The following NR6A1 variants were observed in gnomAD, a reference collection of about 807,000 sequenced individuals.
NR6A1 encodes the protein nuclear receptor subfamily 6 group A member 1.
In NR6A1, 7 loss-of-function variants were observed where a neutral mutation model predicts 59.1. That is an observed-to-expected ratio of 0.12 (90% CI 0.07 to 0.22). The LOEUF (loss-of-function observed/expected upper bound fraction) is 0.22, where lower values mean the gene tolerates loss of function less well. NR6A1 is among the 10% of genes least tolerant of loss of function. The pLI is 1.00. For missense variants in NR6A1, 468 were observed against 611.6 expected (o/e 0.77, Z 2.48); for synonymous variants, 243 against 236.1 (o/e 1.03, Z -0.27).
intron 2 of NR6A1, among the ~76,000 whole-genome samples, chr9:124,651,982 G>A (rs114311030): frequency 2.8e-4 from 42 of 152,200 alleles, no homozygotes; most frequent in African/African-American, 9.4e-4. Flanking sequence ...AGAAGAAAAC[G>A]ATGTCCAAGT....
At chr9:124,764,266 A>T (rs933634764) in intron 1 of NR6A1, among the ~76,000 whole-genome samples, 5 of 152,192 alleles carry the variant, frequency 3.3e-5, no homozygotes, top group African/African-American at 1.2e-4. Flanking sequence ...TTTGCGGTAG[A>T]TTTGTTACTA....
chr9:124,763,580 T>G (rs924395294), intron 1 of NR6A1, among the ~76,000 whole-genome samples: 5 of 152,204 alleles, frequency 3.3e-5, no homozygotes, highest in African/African-American at 1.2e-4. Flanking sequence ...TAGTAATGAA[T>G]GGTCAAAGAA....
chr9:124,583,007 A>G (rs760990212), intron 2 of NR6A1, among the ~76,000 whole-genome samples: 15 of 152,220 alleles, frequency 9.9e-5, no homozygotes, highest in Admixed American at 3.9e-4. Context: ...TGCTAATTGT[A>G]CAATGAAGTT....
intron 2 of NR6A1, among the ~76,000 whole-genome samples, chr9:124,710,817 A>C (rs1202773088): frequency 6.6e-6 from 1 of 152,230 alleles, no homozygotes; most frequent in African/African-American, 2.4e-5. Context: ...GAAATCTTAC[A>C]GTTCTCAGAA....
chr9:124,743,113 T>C (rs918756200), intron 1 of NR6A1, among the ~76,000 whole-genome samples: 5 of 152,182 alleles, frequency 3.3e-5, no homozygotes, highest in Non-Finnish European at 7.4e-5. Context: ...CTACACAGCC[T>C]GCCTTACAGC....
intron 2 of NR6A1, among the ~76,000 whole-genome samples, chr9:124,615,910 C>T (rs1835875677): frequency 1.3e-5 from 2 of 152,086 alleles, no homozygotes. Context: ...TCTCCGCTCA[C>T]TGCAACCTCC....
At chr9:124,621,060 A>G (rs555505160) in intron 2 of NR6A1, among the ~76,000 whole-genome samples, 38 of 152,372 alleles carry the variant, frequency 2.5e-4, no homozygotes, top group African/African-American at 9.1e-4. Flanking sequence ...AACTAACTCA[A>G]TAGATACAGT....
Position 124,733,410 on chromosome 9 carries a change from A to C in NR6A1, c.101-61T>G. On this transcript the variant is annotated intron_variant, in intron 1 of 9. Transcript: ENST00000487099. ...TGTGAATTACTTCAAGCTGACTCCA[A>C]ATATGAAGTATCATACAGTTGGGGG... The C allele has an allele frequency of 4.0e-6, 5 of 1,242,372 alleles. No individual in the cohort carries two copies. The South Asian group carries it at 4.8e-5, about 12-fold the overall frequency. The allele number at this position is 1,242,372 out of a possible 1,614,324, so 77.0% of individuals were successfully genotyped here.
intron 7 of NR6A1, among the ~76,000 whole-genome samples, chr9:124,527,199 C>T (rs1564163993): frequency 6.6e-6 from 1 of 152,132 alleles, no homozygotes; most frequent in Non-Finnish European, 1.5e-5. Flanking sequence ...TCCTCCTCTG[C>T]AAAATGATAA....
chr9:124,539,967 T>C (rs1833390920), intron 5 of NR6A1, 66 bp downstream of exon 5: 21 of 1,494,832 alleles, frequency 1.4e-5, no homozygotes, highest in Non-Finnish European at 1.9e-5. Flanking sequence ...AGCCAGAGGT[T>C]TTCTGTAGCT....
chr9:124,559,726 A>G (rs1381110916), intron 2 of NR6A1, among the ~76,000 whole-genome samples: 2 of 152,152 alleles, frequency 1.3e-5, no homozygotes, highest in African/African-American at 4.8e-5. Context: ...GCAGTGAGCC[A>G]AGATTGCGCC....
At chr9:124,709,705 G>A (rs752642291) in intron 2 of NR6A1, among the ~76,000 whole-genome samples, 1 of 151,852 alleles carries the variant, frequency 6.6e-6, no homozygotes, top group Non-Finnish European at 1.5e-5. Context: ...AGGCCAAGGC[G>A]GGCAGATCAC....
At chr9:124,579,604 T>A (rs995152985) in intron 2 of NR6A1, among the ~76,000 whole-genome samples, 5 of 151,490 alleles carry the variant, frequency 3.3e-5, no homozygotes, top group African/African-American at 7.3e-5. Flanking sequence ...AAAAAAAAAA[T>A]GACAATATCA....
rs79922461 is a variant in NR6A1 at position 124,702,222 on chromosome 9, C to T, written c.142+31086G>A. Among the ~76,000 whole-genome samples the T allele has an allele frequency of 4.6e-3, 703 of 152,242 alleles. 6 individuals are homozygous for T. Among genetic ancestry groups the T allele is most frequent in the African/African-American group, 0.016 (657 of 41,534 alleles). ...CAAGGTCACAAAGATATGCTTGATA[C>T]ATTTGGTAGTTTTAGCTCTTACATT... On this transcript the variant is annotated intron_variant, in intron 2 of 9. Coordinates refer to ENST00000487099, the MANE Select transcript of NR6A1 (RefSeq NM_033334.4).
chr9:124,750,299 A>G (rs1840458323), intron 1 of NR6A1, among the ~76,000 whole-genome samples: 1 of 152,168 alleles, frequency 6.6e-6, no homozygotes, highest in Non-Finnish European at 1.5e-5. Flanking sequence ...TTCTGCTTCC[A>G]TGTCACATGC....
chr9:124,603,708 A>G (rs1285175908), intron 2 of NR6A1, among the ~76,000 whole-genome samples: 3 of 152,212 alleles, frequency 2.0e-5, no homozygotes, highest in South Asian at 2.1e-4. Context: ...CAGTGCTTGA[A>G]TATTTGTTGA....
At chr9:124,580,822 A>AT (rs1834742687) in intron 2 of NR6A1, among the ~76,000 whole-genome samples, 1 of 151,900 alleles carries the variant, frequency 6.6e-6, no homozygotes, top group South Asian at 2.1e-4. Context: ...TCCAACTCAA[A>AT]AAATAATAAT....
At chr9:124,552,696 T>C (rs2131381432) in intron 3 of NR6A1, among the ~76,000 whole-genome samples, 1 of 152,310 alleles carries the variant, frequency 6.6e-6, no homozygotes, top group African/African-American at 2.4e-5. Context: ...CTAAGCTGTA[T>C]CTGTAAACTG....
intron 2 of NR6A1, among the ~76,000 whole-genome samples, chr9:124,666,476 G>A (rs1212539771): frequency 6.6e-6 from 1 of 151,946 alleles, no homozygotes; most frequent in African/African-American, 2.4e-5. Flanking sequence ...ACAGGGTTTT[G>A]CCATGTTGCC....
Sources: allele counts gnomAD v4.1 joint callset (sites outside exome capture counted in the v4.1 genomes callset), GRCh38; gene constraint gnomAD v4.1.1; transcripts MANE v1.5; gene names NCBI Gene and HGNC (gene_info 2026-07-23, HGNC 2026-07-21).